Variants in PTPRG observed in about 807,000 individuals in gnomAD.
PTPRG encodes receptor-type tyrosine-protein phosphatase gamma.
PTPRG carries 102 observed loss-of-function variants against 165.3 expected under a neutral mutation model. The observed-to-expected ratio is 0.62, with a 90% CI of 0.53 to 0.73. The LOEUF is 0.73. Ranked by LOEUF, PTPRG falls within the 30% of genes least tolerant of loss-of-function variation. The pLI, the probability that PTPRG is intolerant of heterozygous loss-of-function variation, is 0.00. For missense variants in PTPRG, 1,866 were observed against 1,861.4 expected (o/e 1.00, Z -0.05); for synonymous variants, 675 against 669.5 (o/e 1.01, Z -0.13).
intron 4 of PTPRG, among the ~76,000 whole-genome samples, chr3:62,004,327 C>T (rs2041242008): frequency 6.6e-6 from 1 of 152,088 alleles, no homozygotes; most frequent in African/African-American, 2.4e-5. Context: ...GCCCAATAGT[C>T]CTATAGACAG....
chr3:61,603,072 G>A (rs1194016531), intron 1 of PTPRG, among the ~76,000 whole-genome samples: 1 of 152,032 alleles, frequency 6.6e-6, no homozygotes, highest in Non-Finnish European at 1.5e-5. Context: ...CTTTGAAATG[G>A]GTCATCATGG....
At chr3:62,012,171 G>A (rs1274807259) in intron 4 of PTPRG, among the ~76,000 whole-genome samples, 1 of 152,156 alleles carries the variant, frequency 6.6e-6, no homozygotes, top group Non-Finnish European at 1.5e-5. Flanking sequence ...TGTCAACCTT[G>A]TGAGAGAGGG....
At chr3:61,933,249 A>C (rs1281419273) in intron 2 of PTPRG, among the ~76,000 whole-genome samples, 1 of 152,228 alleles carries the variant, frequency 6.6e-6, no homozygotes, top group Non-Finnish European at 1.5e-5. Flanking sequence ...CCTGGTGGTG[A>C]ATCAAAATGA....
At chr3:61,833,758 T>A (rs1324839011) in intron 2 of PTPRG, among the ~76,000 whole-genome samples, 1 of 151,938 alleles carries the variant, frequency 6.6e-6, no homozygotes, top group Non-Finnish European at 1.5e-5. Flanking sequence ...AGAGACGGGG[T>A]TTCAGCATGT....
intron 4 of PTPRG, among the ~76,000 whole-genome samples, chr3:62,021,249 C>G (rs905769868): frequency 6.6e-6 from 1 of 152,122 alleles, no homozygotes. Flanking sequence ...ATTGTTGGAC[C>G]TTTCGGCTCT....
At chr3:62,238,656 T>C (rs952241442) in intron 14 of PTPRG, among the ~76,000 whole-genome samples, 3 of 152,070 alleles carry the variant, frequency 2.0e-5, no homozygotes, top group African/African-American at 7.2e-5. Flanking sequence ...CTGCACCTGC[T>C]CTGTTAGAAT....
chr3:61,567,368 G>A (rs1699936950), intron 1 of PTPRG, among the ~76,000 whole-genome samples: 1 of 152,122 alleles, frequency 6.6e-6, no homozygotes, highest in Non-Finnish European at 1.5e-5. Flanking sequence ...CCAGAATGAG[G>A]TTGCCTGTGC....
At chr3:61,624,634 C>CAGTGTAATACTG (rs1701557451) in intron 1 of PTPRG, among the ~76,000 whole-genome samples, 1 of 152,108 alleles carries the variant, frequency 6.6e-6, no homozygotes, top group African/African-American at 2.4e-5. Flanking sequence ...ATGTTTAAGC[C>CAGTGTAATACTG]TCTGATAGCA....
chr3:62,149,861 T>C (rs953402514), intron 6 of PTPRG, among the ~76,000 whole-genome samples: 1 of 152,194 alleles, frequency 6.6e-6, no homozygotes, highest in Admixed American at 6.5e-5. Context: ...AGCTGATTTT[T>C]TCCCCCCCTC....
At chr3:61,781,039 T>G (rs1387588122) in intron 2 of PTPRG, among the ~76,000 whole-genome samples, 1 of 152,240 alleles carries the variant, frequency 6.6e-6, no homozygotes, top group Non-Finnish European at 1.5e-5. Context: ...TTTAGTTATC[T>G]TAGCTAATTT....
At chr3:62,158,772 T>G (rs1238624193) in intron 7 of PTPRG, among the ~76,000 whole-genome samples, 1 of 152,232 alleles carries the variant, frequency 6.6e-6, no homozygotes, top group African/African-American at 2.4e-5. Flanking sequence ...GCAATCATTT[T>G]ACTTTCAGAT....
chr3:62,014,615 T>C (rs2041497867), intron 4 of PTPRG, among the ~76,000 whole-genome samples: 1 of 152,214 alleles, frequency 6.6e-6, no homozygotes, highest in South Asian at 2.1e-4. Flanking sequence ...TGCCTCTGTG[T>C]TCAGCATGCC....
chr3:61,987,940 T>C (rs1209304917), intron 2 of PTPRG, among the ~76,000 whole-genome samples: 1 of 152,166 alleles, frequency 6.6e-6, no homozygotes, highest in East Asian at 1.9e-4. Context: ...ATGCATACTA[T>C]CCCTTTGTGA....
intron 2 of PTPRG, among the ~76,000 whole-genome samples, chr3:61,917,649 G>T (rs1435651072): frequency 6.6e-6 from 1 of 152,168 alleles, no homozygotes; most frequent in Non-Finnish European, 1.5e-5. Context: ...CCAAGCAAAG[G>T]CGGGGCGTGG....
chr3:61,671,143 T>C (rs796156377), intron 1 of PTPRG, among the ~76,000 whole-genome samples: 95 of 138,694 alleles, frequency 6.8e-4, no homozygotes, highest in East Asian at 3.5e-3. Flanking sequence ...ACTTTCTTTT[T>C]TTTTTTTTTT....
In PTPRG at chr3:61,867,442, CT is replaced by C. The variant is rs900454634; in HGVS notation, c.190+118461del. ...ACCATTCCAAGGCGAGTCTTTTCCCCTCTCTTCTTTCCCTCCTTTTTATTTA... is the reference window on the plus strand; with the variant it reads ...ACCATTCCAAGGCGAGTCTTTTCCCCCTCTTCTTTCCCTCCTTTTTATTTA... On this transcript the variant is annotated intron_variant, in intron 2 of 29. Transcript: ENST00000474889. Among the ~76,000 whole-genome samples, 5 of 152,172 alleles carry C rather than the reference CT, an allele frequency of 3.3e-5. No individual in the cohort carries two copies. The East Asian group carries it at 9.6e-4, about 29-fold the overall frequency.
intron 12 of PTPRG, among the ~76,000 whole-genome samples, chr3:62,208,224 C>G (rs757077924): frequency 1.3e-5 from 2 of 152,080 alleles, no homozygotes; most frequent in Non-Finnish European, 2.9e-5. Flanking sequence ...TAGTGCAAAG[C>G]CCTCAGCTGG....
At chr3:61,893,191 G>A (rs2038264100) in intron 2 of PTPRG, among the ~76,000 whole-genome samples, 1 of 152,198 alleles carries the variant, frequency 6.6e-6, no homozygotes, top group African/African-American at 2.4e-5. Context: ...ATTTATCAAT[G>A]TTTTAGGAGA....
At chr3:61,624,472 G>A (rs969911261) in intron 1 of PTPRG, among the ~76,000 whole-genome samples, 1 of 152,162 alleles carries the variant, frequency 6.6e-6, no homozygotes, top group African/African-American at 2.4e-5. Context: ...TTTTAGATAC[G>A]AAATGTAGAT....
Sources: gnomAD v4.1 joint callset for allele counts (sites outside exome capture counted in the v4.1 genomes callset) on GRCh38, gnomAD v4.1.1 for gene constraint, MANE v1.5 for transcripts, NCBI Gene and HGNC (gene_info 2026-07-23, HGNC 2026-07-21) for gene names.